SCNN1B: variants seen among roughly 807,000 people sequenced by gnomAD.
SCNN1B encodes the protein epithelial sodium channel subunit beta.
A neutral mutation model predicts 65.3 loss-of-function variants in SCNN1B; 46 were observed. The observed-to-expected ratio is 0.70, with a 90% CI of 0.56 to 0.90. The LOEUF is 0.90. Among genes scored for constraint, SCNN1B ranks in the 40% least tolerant of loss-of-function variants. SCNN1B has a pLI of 0.00. For missense variants in SCNN1B, 751 were observed against 830.5 expected (o/e 0.90, Z 1.18); for synonymous variants, 349 against 330.6 (o/e 1.06, Z -0.60).
chr16:23,360,556 TAGAG>T lies in SCNN1B; in HGVS notation c.776+5075_776+5078del, dbSNP rs558304482. 2.7e-5 allele frequency among the ~76,000 whole-genome samples: 4 copies of T among 148,872 alleles called. No individual in the cohort carries two copies. In the South Asian group the frequency reaches 8.5e-4, roughly 32 times the overall value. On this transcript the variant is annotated intron_variant, in intron 4 of 12. Coordinates refer to ENST00000343070, the MANE Select transcript of SCNN1B (RefSeq NM_000336.3). ...TGGGTGACAGAGTGAGAGTAAAATATAGAGAGAGAGACTTTGTTGTTGGTGGTGG... is the reference window on the plus strand; with the variant it reads ...TGGGTGACAGAGTGAGAGTAAAATATAGAGAGACTTTGTTGTTGGTGGTGG...
At chr16:23,300,993 C>CGTGTGTGTGT (rs60930177), upstream of SCNN1B, among the ~76,000 whole-genome samples, 11,618 of 148,396 alleles carry the variant, frequency 0.078, 806 homozygotes, top group African/African-American at 0.18. Flanking sequence ...GTTAAAAACA[C>CGTGTGTGTGT]GTGTGTGTGT....
chr16:23,338,414 C>T (rs1382896034), intron 1 of SCNN1B, among the ~76,000 whole-genome samples: 1 of 152,176 alleles, frequency 6.6e-6, no homozygotes, highest in Non-Finnish European at 1.5e-5. Flanking sequence ...GAGGCAGAAA[C>T]ATGCAAGATT....
At chr16:23,311,512 G>T (rs1961343071) in intron 1 of SCNN1B, among the ~76,000 whole-genome samples, 3 of 152,208 alleles carry the variant, frequency 2.0e-5, no homozygotes, top group African/African-American at 7.2e-5. Context: ...ATGTGTGGAG[G>T]TTGTTGATTC....
intron 10 of SCNN1B, among the ~76,000 whole-genome samples, chr16:23,378,491 G>A (rs777865096): frequency 2.0e-5 from 3 of 152,142 alleles, no homozygotes; most frequent in Admixed American, 6.6e-5. Context: ...GGCCAGGCCC[G>A]CCGAGGAAGA....
intron 1 of SCNN1B, among the ~76,000 whole-genome samples, chr16:23,343,656 A>AAAGAAAGAAAGAAAGG (rs1555487090): frequency 1.6e-4 from 19 of 115,984 alleles, no homozygotes; most frequent in South Asian, 2.9e-4. Flanking sequence ...AGAAAAAAAG[A>AAAGAAAGAAAGAAAGG]AAGGAAGGAA....
chr16:23,304,020 A>C (rs1273744323), intron 1 of SCNN1B: 2 of 1,491,862 alleles, frequency 1.3e-6, no homozygotes, highest in East Asian at 4.9e-5. Context: ...ATATAAACCC[A>C]GCTTATTTAT....
At chr16:23,308,462 G>T (rs145783589) in intron 1 of SCNN1B, among the ~76,000 whole-genome samples, 7 of 152,304 alleles carry the variant, frequency 4.6e-5, no homozygotes, top group Non-Finnish European at 1.0e-4. Flanking sequence ...GTTTGAGGCT[G>T]CAGTGAGCCA....
At chr16:23,378,285 C>A (rs987640832) in intron 10 of SCNN1B, among the ~76,000 whole-genome samples, 1 of 152,226 alleles carries the variant, frequency 6.6e-6, no homozygotes, top group Admixed American at 6.5e-5. Flanking sequence ...GCTGGGATTA[C>A]AGGCATGAGC....
chr16:23,356,271 G>A (rs866824042), intron 4 of SCNN1B, among the ~76,000 whole-genome samples: 4 of 152,150 alleles, frequency 2.6e-5, no homozygotes, highest in Non-Finnish European at 4.4e-5. Context: ...AACAATAATC[G>A]TAGCTTCTTC....
intron 1 of SCNN1B, among the ~76,000 whole-genome samples, chr16:23,311,502 A>G (rs1297467411): frequency 1.3e-5 from 2 of 152,144 alleles, no homozygotes; most frequent in Non-Finnish European, 2.9e-5. Context: ...ACCTACGTCT[A>G]TGTGTGGAGG....
intron 10 of SCNN1B, among the ~76,000 whole-genome samples, chr16:23,378,389 A>G (rs535501972): frequency 1.3e-5 from 2 of 152,334 alleles, no homozygotes; most frequent in South Asian, 4.1e-4. Flanking sequence ...CTGGAGGCAG[A>G]GGCTGAGCCA....
chr16:23,308,547 A>G (rs1482915925), intron 1 of SCNN1B, among the ~76,000 whole-genome samples: 1 of 152,210 alleles, frequency 6.6e-6, no homozygotes, highest in East Asian at 1.9e-4. Context: ...GCAGGTTCTC[A>G]CACTCATCCC....
intron 2 of SCNN1B, among the ~76,000 whole-genome samples, chr16:23,291,742 A>ATTTTT (rs10707900): frequency 2.3e-5 from 3 of 131,508 alleles, no homozygotes; most frequent in Non-Finnish European, 1.6e-5. Context: ...CACGCAGCTA[A>ATTTTT]TTTTTTTTTT....
At chr16:23,301,229 G>A (rs1410886191), upstream of SCNN1B, among the ~76,000 whole-genome samples, 2 of 151,986 alleles carry the variant, frequency 1.3e-5, no homozygotes, top group Non-Finnish European at 2.9e-5. Flanking sequence ...GGGCATGGTG[G>A]TGCATGCCTG....
At chr16:23,376,203 G>A (rs1288014125) in intron 8 of SCNN1B, among the ~76,000 whole-genome samples, 1 of 152,228 alleles carries the variant, frequency 6.6e-6, no homozygotes. Flanking sequence ...ATGTTTCCAA[G>A]TGCACAAGTG....
At chr16:23,301,901 G>A (rs34678521), upstream of SCNN1B, among the ~76,000 whole-genome samples, 2 of 152,194 alleles carry the variant, frequency 1.3e-5, no homozygotes, top group African/African-American at 2.4e-5. Context: ...GTCTGCAGGG[G>A]TGTGGATGTG....
chr16:23,376,106 T>C (rs1038916074), intron 8 of SCNN1B, among the ~76,000 whole-genome samples: 3 of 152,254 alleles, frequency 2.0e-5, no homozygotes, highest in African/African-American at 7.2e-5. Context: ...GCACGTGTCC[T>C]TGTGGGCCTG....
At chr16:23,321,690 T>C (rs1168304277) in intron 1 of SCNN1B, among the ~76,000 whole-genome samples, 1 of 152,090 alleles carries the variant, frequency 6.6e-6, no homozygotes, top group Non-Finnish European at 1.5e-5. Flanking sequence ...TCCTGGCACG[T>C]TAGGTACTCC....
chr16:23,299,596 G>A (rs918208070), upstream of SCNN1B, among the ~76,000 whole-genome samples: 3 of 152,152 alleles, frequency 2.0e-5, no homozygotes, highest in Non-Finnish European at 2.9e-5. Context: ...GCAATGGTAG[G>A]TCATCACTGG....
Sources: allele counts gnomAD v4.1 joint callset (sites outside exome capture counted in the v4.1 genomes callset), GRCh38; gene constraint gnomAD v4.1.1; transcripts MANE v1.5; gene names NCBI Gene and HGNC (gene_info 2026-07-23, HGNC 2026-07-21).